Variants in EXOC6B observed in about 807,000 individuals in gnomAD.
EXOC6B encodes SEC15 homolog B.
In EXOC6B, 54 loss-of-function variants were observed where a neutral mutation model predicts 113.5. The ratio of observed to expected loss-of-function variants is 0.48; its 90% CI spans 0.38 to 0.60. The LOEUF is 0.60. Among genes scored for constraint, EXOC6B ranks in the 20% least tolerant of loss-of-function variants. The pLI, the probability that EXOC6B is intolerant of heterozygous loss-of-function variation, is 0.00. For synonymous variants in EXOC6B, 357 were observed against 339.0 expected, an observed-to-expected ratio of 1.05 and a Z score of -0.58; for missense variants, 797 against 977.5, an observed-to-expected ratio of 0.82 and a Z score of 2.46.
chr2:72,662,820 C>T (rs1573578557), intron 6 of EXOC6B, among the ~76,000 whole-genome samples: 2 of 152,040 alleles, frequency 1.3e-5, no homozygotes, highest in East Asian at 1.9e-4. Flanking sequence ...CTCACCACAA[C>T]CTCCGACTCC....
intron 15 of EXOC6B, 86 bp downstream of exon 15, chr2:72,495,344 G>T (rs955766402): frequency 4.4e-6 from 3 of 678,486 alleles, no homozygotes; most frequent in Non-Finnish European, 7.4e-6. Context: ...CAGGGCTGAC[G>T]GGACTATCAA....
At chr2:72,655,531 G>T (rs1378169672) in intron 6 of EXOC6B, among the ~76,000 whole-genome samples, 7 of 151,824 alleles carry the variant, frequency 4.6e-5, no homozygotes. Flanking sequence ...TCAGATTTAC[G>T]GTGGTTCCAA....
chr2:72,466,316 G>A (rs994379792), intron 17 of EXOC6B, among the ~76,000 whole-genome samples: 3 of 147,890 alleles, frequency 2.0e-5, no homozygotes, highest in Non-Finnish European at 3.0e-5. Context: ...CTGCACTCCA[G>A]CCTGGGCGAC....
At chr2:72,346,279 G>C (rs912810886) in intron 19 of EXOC6B, among the ~76,000 whole-genome samples, 1 of 152,086 alleles carries the variant, frequency 6.6e-6, no homozygotes, top group Non-Finnish European at 1.5e-5. Flanking sequence ...CCACAAGCAC[G>C]AAGAGTCCTT....
At chr2:72,773,419 C>A in intron 1 of EXOC6B, among the ~76,000 whole-genome samples, 1 of 146,922 alleles carries the variant, frequency 6.8e-6, no homozygotes, top group Admixed American at 6.8e-5. Context: ...TATGAGCCAC[C>A]ATACCGGGTA....
chr2:72,587,179 T>C (rs1250659063), intron 6 of EXOC6B, among the ~76,000 whole-genome samples: 1 of 151,960 alleles, frequency 6.6e-6, no homozygotes, highest in Non-Finnish European at 1.5e-5. Context: ...CCATCAATGG[T>C]GGACTGGATA....
chr2:72,626,513 A>G (rs1271304633), intron 6 of EXOC6B, among the ~76,000 whole-genome samples: 1 of 152,170 alleles, frequency 6.6e-6, no homozygotes, highest in African/African-American at 2.4e-5. Flanking sequence ...TCTCTTATTT[A>G]GCTTTCCTTG....
chr2:72,266,098 G>T (rs1684063689), intron 20 of EXOC6B, among the ~76,000 whole-genome samples: 2 of 152,280 alleles, frequency 1.3e-5, no homozygotes, highest in East Asian at 1.9e-4. Context: ...TGTTGATGGG[G>T]TTGTTTGTTT....
Position 72,408,525 on chromosome 2 carries a change from C to T in EXOC6B, c.1981-28655G>A, listed in dbSNP as rs547140059. Among the ~76,000 whole-genome samples, 1,195 of 152,164 alleles carry T rather than the reference C, an allele frequency of 7.9e-3. 16 individuals are homozygous for T. The highest frequency in any genetic ancestry group is 0.028 in the African/African-American group (1,145 of 41,502). ...ACTGGTACCAAAACAGAGATATAGA[C>T]CAATGGAACAGAATAGAGCCCTCAG... On this transcript the variant is annotated intron_variant, in intron 18 of 21. Coordinates refer to ENST00000272427, the MANE Select transcript of EXOC6B (RefSeq NM_015189.3).
chr2:72,735,887 C>A (rs536628264), intron 2 of EXOC6B, among the ~76,000 whole-genome samples: 4 of 149,070 alleles, frequency 2.7e-5, no homozygotes, highest in African/African-American at 9.9e-5. Context: ...TATTTCAATG[C>A]GTAACAATAA....
chr2:72,759,502 GT>G (rs1682620720), intron 1 of EXOC6B, among the ~76,000 whole-genome samples: 1 of 152,084 alleles, frequency 6.6e-6, no homozygotes, highest in African/African-American at 2.4e-5. Flanking sequence ...ATTAACTATG[GT>G]TCATTTTTCC....
chr2:72,236,879 T>C (rs1020084521), intron 20 of EXOC6B, among the ~76,000 whole-genome samples: 1 of 152,264 alleles, frequency 6.6e-6, no homozygotes, highest in East Asian at 1.9e-4. Context: ...CTACCTCTGA[T>C]AACTATCAAC....
At chr2:72,351,170 C>T (rs1235936912) in intron 19 of EXOC6B, among the ~76,000 whole-genome samples, 2 of 152,088 alleles carry the variant, frequency 1.3e-5, no homozygotes, top group Non-Finnish European at 2.9e-5. Context: ...AAAGGTACAT[C>T]ATTCAGAATG....
chr2:72,388,256 T>A (rs1018534737), intron 18 of EXOC6B, among the ~76,000 whole-genome samples: 1 of 152,226 alleles, frequency 6.6e-6, no homozygotes, highest in Non-Finnish European at 1.5e-5. Flanking sequence ...TTCATTTTTC[T>A]TCAGTTCAAA....
chr2:72,224,826 G>GTA (rs1450204003), intron 20 of EXOC6B, among the ~76,000 whole-genome samples: 2 of 150,512 alleles, frequency 1.3e-5, no homozygotes, highest in Non-Finnish European at 2.9e-5. Flanking sequence ...GTGTGCGTGT[G>GTA]TGTATGTGTG....
intron 8 of EXOC6B, among the ~76,000 whole-genome samples, chr2:72,522,670 A>G (rs1414689295): frequency 6.6e-6 from 1 of 152,190 alleles, no homozygotes; most frequent in Non-Finnish European, 1.5e-5. Flanking sequence ...AAGCAAGATG[A>G]CATCTTTCTA....
chr2:72,662,795 G>A (rs1441969200), intron 6 of EXOC6B, among the ~76,000 whole-genome samples: 1 of 151,976 alleles, frequency 6.6e-6, no homozygotes, highest in Non-Finnish European at 1.5e-5. Context: ...TGGAATCGCA[G>A]TGGCACGATC....
intron 6 of EXOC6B, among the ~76,000 whole-genome samples, chr2:72,686,794 A>G (rs1677116935): frequency 6.6e-6 from 1 of 152,176 alleles, no homozygotes; most frequent in Non-Finnish European, 1.5e-5. Flanking sequence ...ATGATATTCA[A>G]TATGTCCTAC....
chr2:72,644,642 T>A (rs1352984198), intron 6 of EXOC6B, among the ~76,000 whole-genome samples: 1 of 152,172 alleles, frequency 6.6e-6, no homozygotes, highest in East Asian at 1.9e-4. Flanking sequence ...GTCAGCATTC[T>A]TAAAGAAAAT....
Sources: allele counts gnomAD v4.1 joint callset (sites outside exome capture counted in the v4.1 genomes callset), GRCh38; gene constraint gnomAD v4.1.1; transcripts MANE v1.5; gene names NCBI Gene and HGNC (gene_info 2026-07-23, HGNC 2026-07-21).